RASSF8: variants seen among roughly 807,000 people sequenced by gnomAD.
RASSF8 encodes ras association domain-containing protein 8.
In RASSF8, 22 loss-of-function variants were observed where a neutral mutation model predicts 48.5. The ratio of observed to expected loss-of-function variants is 0.45; its 90% CI spans 0.32 to 0.65. The LOEUF (loss-of-function observed/expected upper bound fraction) is 0.65. RASSF8 is among the 30% of genes least tolerant of loss of function. The pLI is 0.03. For synonymous variants in RASSF8, 127 were observed against 171.5 expected, an observed-to-expected ratio of 0.74 and a Z score of 2.03; for missense variants, 418 against 489.2, an observed-to-expected ratio of 0.85 and a Z score of 1.37.
At chr12:26,025,562 C>CAA (rs34036145) in intron 2 of RASSF8, among the ~76,000 whole-genome samples, 9,485 of 100,500 alleles carry the variant, frequency 0.094, 439 homozygotes, top group Middle Eastern at 0.15. Flanking sequence ...GACTCTGTCT[C>CAA]AAAAAAAAAA....
chr12:26,071,702 C>T lies in RASSF8; in HGVS notation c.*2884C>T, dbSNP rs116885710. 213 of 982,622 alleles carry T rather than the reference C, an allele frequency of 2.2e-4. No homozygotes were observed. Among genetic ancestry groups the T allele is most frequent in the Non-Finnish European group, 2.3e-4 (194 of 827,570 alleles). 60.9% of individuals were successfully genotyped at this position (982,622 alleles called of 1,614,324 possible). ...CTTCAGTTGGTATTAATAGGAGTTA[C>T]CTATTTAATTCTCCCAGTCATCAAT... On this transcript the variant is annotated 3_prime_UTR_variant, in exon 6 of 6. Transcript: ENST00000689635.
At chr12:26,035,456 A>AATTATATAATTAT (rs1943119319) in intron 2 of RASSF8, among the ~76,000 whole-genome samples, 1 of 70,816 alleles carries the variant, frequency 1.4e-5, no homozygotes, top group African/African-American at 5.2e-5. Flanking sequence ...AAGTATATGA[A>AATTATATAATTAT]ATTATATAAT....
At chr12:26,026,699 G>A (rs1415353993) in intron 2 of RASSF8, among the ~76,000 whole-genome samples, 1 of 152,174 alleles carries the variant, frequency 6.6e-6, no homozygotes, top group Non-Finnish European at 1.5e-5. Context: ...GCCCCCCAAA[G>A]TGCTGGGATT....
intron 2 of RASSF8, among the ~76,000 whole-genome samples, chr12:26,028,692 T>C (rs1294661854): frequency 1.3e-5 from 2 of 152,196 alleles, no homozygotes; most frequent in Non-Finnish European, 2.9e-5. Flanking sequence ...TCTTGTATTA[T>C]ATGTAAGGAG....
chr12:25,998,884 C>A (rs560556170), intron 2 of RASSF8, among the ~76,000 whole-genome samples: 1 of 151,892 alleles, frequency 6.6e-6, no homozygotes, highest in Admixed American at 6.6e-5. Flanking sequence ...ATCAGTTTAC[C>A]GGGAAAATGT....
chr12:26,062,322 T>C (rs12581098), intron 3 of RASSF8, among the ~76,000 whole-genome samples: 8,126 of 152,308 alleles, frequency 0.053, 656 homozygotes, highest in East Asian at 0.29. Context: ...ATTGGAAACA[T>C]TTTTTATTTC....
downstream of RASSF8, among the ~76,000 whole-genome samples, chr12:26,075,115 A>G (rs1302155074): frequency 6.6e-6 from 1 of 152,200 alleles, no homozygotes; most frequent in Non-Finnish European, 1.5e-5. Context: ...TGCACGTAAC[A>G]AATTTTTATT....
intron 2 of RASSF8, among the ~76,000 whole-genome samples, chr12:26,017,014 T>G (rs1942667323): frequency 6.6e-6 from 1 of 152,072 alleles, no homozygotes; most frequent in South Asian, 2.1e-4. Context: ...TCCACTGGAA[T>G]TTTTTTTCCT....
At chr12:26,022,792 A>G (rs1055940444) in intron 2 of RASSF8, among the ~76,000 whole-genome samples, 24 of 152,000 alleles carry the variant, frequency 1.6e-4, no homozygotes, top group Middle Eastern at 3.4e-3. Context: ...CCCAGGTTGG[A>G]GTGCAATGGC....
intron 3 of RASSF8, among the ~76,000 whole-genome samples, chr12:26,063,570 A>G (rs1004377678): frequency 1.3e-5 from 2 of 151,968 alleles, no homozygotes; most frequent in Non-Finnish European, 2.9e-5. Flanking sequence ...TAACTTTTTC[A>G]TATTTTATTT....
intron 2 of RASSF8, among the ~76,000 whole-genome samples, chr12:26,036,922 A>AAT (rs1384212908): frequency 6.8e-6 from 1 of 147,346 alleles, no homozygotes; most frequent in African/African-American, 2.4e-5. Context: ...TCACAAAAAA[A>AAT]TAAAAAAAAA....
downstream of RASSF8, among the ~76,000 whole-genome samples, chr12:26,077,712 C>T (rs1007896160): frequency 2.0e-5 from 3 of 152,196 alleles, no homozygotes; most frequent in South Asian, 4.1e-4. Flanking sequence ...GAACCTGGCT[C>T]ATTGTTAGGA....
exon 6 of RASSF8, chr12:26,079,145 G>C (rs980392465): frequency 2.8e-6 from 3 of 1,053,528 alleles, no homozygotes; most frequent in Non-Finnish European, 4.1e-6. Context: ...CAAAACTCCT[G>C]CACAACAAAG....
chr12:26,057,023 GA>G (rs57235079), intron 3 of RASSF8, among the ~76,000 whole-genome samples: 19 of 141,556 alleles, frequency 1.3e-4, no homozygotes, highest in East Asian at 6.1e-4. Context: ...TGCTAAAAAA[GA>G]AAAAAAAAAG....
chr12:26,011,299 T>TG (rs1942518732), intron 2 of RASSF8, among the ~76,000 whole-genome samples: 1 of 152,168 alleles, frequency 6.6e-6, no homozygotes, highest in Non-Finnish European at 1.5e-5. Context: ...AGGTACTGAC[T>TG]GTAGCCAGGA....
chr12:26,073,291 A>C (rs1047741719), downstream of RASSF8, among the ~76,000 whole-genome samples: 2 of 152,220 alleles, frequency 1.3e-5, no homozygotes, highest in African/African-American at 4.8e-5. Context: ...TAGATGTTTC[A>C]GACCTCAAGG....
At chr12:26,001,498 C>T (rs1183162151) in intron 2 of RASSF8, among the ~76,000 whole-genome samples, 5 of 152,054 alleles carry the variant, frequency 3.3e-5, no homozygotes, top group Admixed American at 1.3e-4. Flanking sequence ...ATACATTGTA[C>T]AGCTGTGCAA....
chr12:26,031,116 A>G (rs1429802668), intron 2 of RASSF8, among the ~76,000 whole-genome samples: 1 of 152,194 alleles, frequency 6.6e-6, no homozygotes, highest in Non-Finnish European at 1.5e-5. Flanking sequence ...GCCTGAGACA[A>G]CAATCAAATA....
chr12:25,998,345 A>G (rs1163967595), intron 2 of RASSF8, among the ~76,000 whole-genome samples: 2 of 147,706 alleles, frequency 1.4e-5, no homozygotes, highest in African/African-American at 2.6e-5. Flanking sequence ...TTCTGAAGAC[A>G]AAGCTTTTTT....
Sources: gnomAD v4.1 joint callset for allele counts (sites outside exome capture counted in the v4.1 genomes callset) on GRCh38, gnomAD v4.1.1 for gene constraint, MANE v1.5 for transcripts, NCBI Gene and HGNC (gene_info 2026-07-23, HGNC 2026-07-21) for gene names.